TF: variants seen among roughly 807,000 people sequenced by gnomAD.
The protein encoded by TF is transferrin.
A neutral mutation model predicts 82.4 loss-of-function variants in TF; 55 were observed. That is an observed-to-expected ratio of 0.67 (90% CI 0.54 to 0.84). The LOEUF (loss-of-function observed/expected upper bound fraction) is 0.84, where lower values mean the gene tolerates loss of function less well. Among genes scored for constraint, TF ranks in the 40% least tolerant of loss-of-function variants. The pLI is 0.00. For synonymous variants in TF, 332 were observed against 332.6 expected (o/e 1.00, Z 0.02); for missense variants, 737 against 868.4 (o/e 0.85, Z 1.90).
the TF span, among the ~76,000 whole-genome samples, chr3:133,683,752 G>C: frequency 6.6e-6 from 1 of 152,126 alleles, no homozygotes. Flanking sequence ...CAATAATAAT[G>C]GGAGACTTTA....
intron 2 of TF, among the ~76,000 whole-genome samples, chr3:133,751,846 T>C (rs999869345): frequency 1.3e-5 from 2 of 151,628 alleles, no homozygotes; most frequent in Non-Finnish European, 2.9e-5. Flanking sequence ...AATACAAAAA[T>C]TAGCCGGGTG....
the TF span, among the ~76,000 whole-genome samples, chr3:133,679,427 G>A: frequency 1.2e-4 from 18 of 152,194 alleles, no homozygotes; most frequent in South Asian, 4.1e-4. Context: ...AACTATCCAC[G>A]TAATTATCAC....
At chr3:133,672,127 A>C in the TF span, among the ~76,000 whole-genome samples, 1 of 152,196 alleles carries the variant, frequency 6.6e-6, no homozygotes, top group Non-Finnish European at 1.5e-5. Flanking sequence ...AAAATGGACA[A>C]ATTTCTTTAA....
rs1232141587 is a variant in TF at position 133,788,861 on chromosome 3, G to A, written c.*10241G>A. 6.6e-6 allele frequency: 1 copy of A among 152,252 alleles called. No individual in the cohort carries two copies. Among genetic ancestry groups the A allele is most frequent in the African/African-American group, 2.4e-5 (1 of 41,438 alleles). 9.4% of individuals were successfully genotyped at this position (152,252 alleles called of 1,614,324 possible). ...ACGGAAACCCTACTTGACTGGCTAAGGACAAAAGAAGCCTACTCAGCTTCC... is the reference window on the plus strand; with the variant it reads ...ACGGAAACCCTACTTGACTGGCTAAAGACAAAAGAAGCCTACTCAGCTTCC... On this transcript the variant is annotated 3_prime_UTR_variant, in exon 17 of 17. Coordinates refer to ENST00000402696, the MANE Select transcript of TF (RefSeq NM_001063.4).
At chr3:133,679,031 C>G in the TF span, among the ~76,000 whole-genome samples, 1 of 152,114 alleles carries the variant, frequency 6.6e-6, no homozygotes. Context: ...CACCACCACA[C>G]CTGGCTAATT....
chr3:133,671,825 A>G, the TF span, among the ~76,000 whole-genome samples: 6 of 151,436 alleles, frequency 4.0e-5, no homozygotes. Context: ...AAGAAGAAAA[A>G]GGAGAAGAAG....
the TF span, among the ~76,000 whole-genome samples, chr3:133,665,467 C>CAA: frequency 1.0e-3 from 125 of 123,852 alleles, no homozygotes; most frequent in East Asian, 1.4e-3. Context: ...GACCCTATCT[C>CAA]AAAAAAAAAA....
the TF span, among the ~76,000 whole-genome samples, chr3:133,718,425 T>C: frequency 6.6e-6 from 1 of 152,016 alleles, no homozygotes; most frequent in East Asian, 1.9e-4. Context: ...GCAGATCTGT[T>C]GGAGGGATGC....
the TF span, among the ~76,000 whole-genome samples, chr3:133,683,083 A>T: frequency 6.6e-6 from 1 of 152,344 alleles, no homozygotes; most frequent in East Asian, 1.9e-4. Flanking sequence ...TCAACCCAGA[A>T]TTTCATATCC....
chr3:133,693,907 T>C, the TF span, among the ~76,000 whole-genome samples: 4 of 152,274 alleles, frequency 2.6e-5, no homozygotes, highest in African/African-American at 9.6e-5. Context: ...CTTAGTTCAG[T>C]GTAGGTCAGT....
intron 12 of TF, 138 bp from the exon 13 acceptor site, chr3:133,767,891 C>T: frequency 9.4e-7 from 1 of 1,067,720 alleles, no homozygotes; most frequent in Non-Finnish European, 1.4e-6. Context: ...CCTGGCAAGT[C>T]CTGGGTTGGT....
At chr3:133,701,903 C>T in the TF span, 1 of 152,860 alleles carries the variant, frequency 6.5e-6, no homozygotes, top group Non-Finnish European at 1.5e-5. Flanking sequence ...CCAGACCTAC[C>T]TGGGGCTTCC....
upstream of TF, chr3:133,746,122 G>T (rs1933490041): frequency 1.1e-5 from 5 of 473,932 alleles, no homozygotes; most frequent in Admixed American, 1.7e-4. Flanking sequence ...CCAGCCCGCC[G>T]TAGCCGCTCC....
intron 16 of TF, chr3:133,778,138 T>C (rs540977963): frequency 7.3e-4 from 131 of 180,120 alleles, no homozygotes; most frequent in Non-Finnish European, 1.4e-3. Flanking sequence ...GATATTTACC[T>C]AACCTATATC....
the TF span, among the ~76,000 whole-genome samples, chr3:133,718,277 G>C: frequency 1.3e-5 from 2 of 152,192 alleles, no homozygotes; most frequent in Non-Finnish European, 2.9e-5. Context: ...TTCTAATTGA[G>C]TAAGAGAAAG....
chr3:133,777,378 T>A, intron 16 of TF, 140 bp downstream of exon 16: 2 of 792,770 alleles, frequency 2.5e-6, no homozygotes, highest in East Asian at 2.7e-5. Context: ...GTGAACAATC[T>A]AAGCCCGGCA....
At position 133,746,509 on chromosome 3, in the gene TF, G is replaced by A. The variant is rs8177187; in HGVS notation, c.43+26G>A. 6.9e-6 allele frequency: 11 copies of A among 1,586,710 alleles called. No homozygotes were observed. The African/African-American group carries it at 8.1e-5, about 12-fold the overall frequency. On this transcript the variant is annotated intron_variant, in intron 1 of 16. Transcript: ENST00000402696. ...GTGAGTGCGGGCACGGGGTAGCACC[G>A]CAGAGTCGCTGGCCCGCGCGTTCCC...
chr3:133,666,541 C>T, the TF span, among the ~76,000 whole-genome samples: 1 of 152,134 alleles, frequency 6.6e-6, no homozygotes, highest in African/African-American at 2.4e-5. Context: ...ATTAGCAAAA[C>T]ATTTGTTTAA....
upstream of TF, chr3:133,746,227 G>C (rs1255176879): frequency 1.6e-6 from 1 of 626,118 alleles, no homozygotes; most frequent in East Asian, 2.8e-5. Flanking sequence ...CTCGCGGGTC[G>C]TCTCCAGAGC....
Sources: gnomAD v4.1 joint callset for allele counts (sites outside exome capture counted in the v4.1 genomes callset) on GRCh38, gnomAD v4.1.1 for gene constraint, MANE v1.5 for transcripts, NCBI Gene and HGNC (gene_info 2026-07-23, HGNC 2026-07-21) for gene names.